The following ZSCAN30 variants were observed in gnomAD, a reference collection of about 807,000 sequenced individuals.
ZSCAN30 encodes zinc finger and SCAN domain containing 30, also known as zinc finger and SCAN domain-containing protein 30.
In ZSCAN30, 37 loss-of-function variants were observed where a neutral mutation model predicts 44.3. The ratio of observed to expected loss-of-function variants is 0.84; its 90% CI spans 0.64 to 1.10. The LOEUF (loss-of-function observed/expected upper bound fraction) is 1.10. Among genes scored for constraint, ZSCAN30 ranks in the 50% least tolerant of loss-of-function variants. The pLI is 0.00. For missense variants in ZSCAN30, 549 were observed against 582.6 expected (o/e 0.94, Z 0.59); for synonymous variants, 181 against 204.6 (o/e 0.88, Z 0.98).
In ZSCAN30 at chr18:35,251,370, T is replaced by C. The variant is rs528166153; in HGVS notation, c.*2080A>G. The C allele has an allele frequency of 2.6e-5, 4 of 152,246 alleles. No homozygotes were observed. Among genetic ancestry groups the C allele is most frequent in the African/African-American group, 9.6e-5 (4 of 41,542 alleles). The allele number at this position is 152,246 out of a possible 1,614,324, so 9.4% of individuals were successfully genotyped here. A position where few individuals can be genotyped will look rare whatever the true frequency, so the allele number is the denominator to read the frequency against. ...ACATTAAATCTCTGATTGTCACCTA[T>C]AGGAAAAGGCAACTCACTATCCATT... On this transcript the variant is annotated 3_prime_UTR_variant, in exon 4 of 4. Coordinates refer to ENST00000333206, the MANE Select transcript of ZSCAN30 (RefSeq NM_001112734.4).
intron 1 of ZSCAN30, among the ~76,000 whole-genome samples, chr18:35,272,954 C>T (rs1029680846): frequency 3.3e-5 from 5 of 152,156 alleles, no homozygotes; most frequent in South Asian, 2.1e-4. Flanking sequence ...TTCACTTCCA[C>T]GAGAACAGTA....
intron 3 of ZSCAN30, chr18:35,259,825 G>A (rs1270770679): frequency 4.6e-5 from 7 of 152,176 alleles, no homozygotes; most frequent in Non-Finnish European, 7.3e-5. Context: ...TCATTTACCT[G>A]ATTTAAGGCA....
At chr18:35,274,837 C>T (rs1346008562) in intron 1 of ZSCAN30, among the ~76,000 whole-genome samples, 1 of 152,198 alleles carries the variant, frequency 6.6e-6, no homozygotes, top group Non-Finnish European at 1.5e-5. Flanking sequence ...ATCCACATTA[C>T]TCACTGTACC....
intron 3 of ZSCAN30, chr18:35,258,301 G>A: frequency 3.3e-6 from 1 of 307,290 alleles, no homozygotes; most frequent in Non-Finnish European, 6.1e-6. Flanking sequence ...GGACATTGGA[G>A]AGATAGAGTC....
At chr18:35,255,182 T>C (rs2043759114) in intron 3 of ZSCAN30, among the ~76,000 whole-genome samples, 1 of 151,284 alleles carries the variant, frequency 6.6e-6, no homozygotes, top group African/African-American at 2.4e-5. Context: ...ACCTTCTGGC[T>C]CTCACAAAAC....
chr18:35,275,922 C>T (rs2044359504), intron 1 of ZSCAN30, among the ~76,000 whole-genome samples: 1 of 152,108 alleles, frequency 6.6e-6, no homozygotes, highest in African/African-American at 2.4e-5. Flanking sequence ...TTGTCAAATG[C>T]TTTTTCTGCA....
chr18:35,268,560 T>C (rs1236281385), intron 1 of ZSCAN30: 1 of 152,052 alleles, frequency 6.6e-6, no homozygotes, highest in African/African-American at 2.4e-5. Context: ...GGTTCAAACA[T>C]CATAAAAACA....
intron 1 of ZSCAN30, among the ~76,000 whole-genome samples, chr18:35,273,713 G>A (rs1171762373): frequency 6.6e-6 from 1 of 152,160 alleles, no homozygotes; most frequent in Admixed American, 6.5e-5. Flanking sequence ...TGGCCTGTAT[G>A]TCTATTCTTA....
chr18:35,280,411 C>T (rs911200516), intron 1 of ZSCAN30, among the ~76,000 whole-genome samples: 1 of 151,206 alleles, frequency 6.6e-6, no homozygotes, highest in African/African-American at 2.4e-5. Flanking sequence ...CACACACATA[C>T]ACACACACAC....
rs34611791 is a variant in ZSCAN30 at position 35,266,657 on chromosome 18, A to ATTTTTTTTTTTT, written c.-103-2214_-103-2203dup. On this transcript the variant is annotated intron_variant, in intron 1 of 3. Transcript: ENST00000333206. ...AAGAACCCTGGGGATATTTCTCCTA[A>ATTTTTTTTTTTT]TTTTTTTTTTTTTTTTTTTTTTTTT... 1.7e-4 allele frequency: 13 copies of ATTTTTTTTTTTT among 78,612 alleles called. 1 individual carries two copies. The highest frequency in any genetic ancestry group is 6.9e-5 in the Non-Finnish European group (3 of 43,302). The allele number at this position is 78,612 out of a possible 1,614,324, so 4.9% of individuals were successfully genotyped here.
chr18:35,254,405 A>G, intron 3 of ZSCAN30, 24 bp from the exon 4 acceptor site: 1 of 1,613,870 alleles, frequency 6.2e-7, no homozygotes, highest in Non-Finnish European at 8.5e-7. Flanking sequence ...TAGAAAGTGT[A>G]AGTATCATTT....
chr18:35,263,081 A>G, intron 3 of ZSCAN30: 1 of 282,618 alleles, frequency 3.5e-6, no homozygotes, highest in South Asian at 2.8e-5. Flanking sequence ...AGCTTTGAAT[A>G]TTATGGATAT....
intron 3 of ZSCAN30, chr18:35,261,489 G>A (rs2044029093): frequency 1.3e-5 from 2 of 152,184 alleles, no homozygotes; most frequent in Non-Finnish European, 2.9e-5. Context: ...CCATAAGCAT[G>A]GAATGTTTCT....
At chr18:35,271,145 C>G (rs901464949) in intron 1 of ZSCAN30, among the ~76,000 whole-genome samples, 2 of 152,160 alleles carry the variant, frequency 1.3e-5, no homozygotes, top group Admixed American at 6.5e-5. Flanking sequence ...AAAAAACCCT[C>G]CGCACTGTGG....
rs373474974 is a variant in ZSCAN30, at chr18:35,274,106, C to T, written c.-103-9651G>A. Among the ~76,000 whole-genome samples, 17 of 152,192 alleles carry T rather than the reference C, an allele frequency of 1.1e-4. No individual in the cohort carries two copies. The East Asian group carries it at 1.9e-3, about 17-fold the overall frequency. On this transcript the variant is annotated intron_variant, in intron 1 of 3. Transcript: ENST00000333206. ...TCTCGGCTCACTGCAAGCTCCGTCTCCTGGGTTCACACCATTCTCCTGCCT... is the reference window on the plus strand; with the variant it reads ...TCTCGGCTCACTGCAAGCTCCGTCTTCTGGGTTCACACCATTCTCCTGCCT...
rs2043607849 is a variant in ZSCAN30 at position 35,251,819 on chromosome 18, C to T, written c.*1631G>A. On this transcript the variant is annotated 3_prime_UTR_variant, in exon 4 of 4. Coordinates refer to ENST00000333206, the MANE Select transcript of ZSCAN30 (RefSeq NM_001112734.4). The stretch of plus-strand genomic sequence containing the variant: ...CCTCTTTTTTTTTTTTAATAAATTA[C>T]CCAGTATCAGGTAGTATCTTCATAG... The T allele has an allele frequency of 6.6e-6, 1 of 151,816 alleles. No homozygotes were observed. Among genetic ancestry groups the T allele is most frequent in the Non-Finnish European group, 1.5e-5 (1 of 67,986 alleles). The allele number at this position is 151,816 out of a possible 1,614,324, so 9.4% of individuals were successfully genotyped here. A position where few individuals can be genotyped will look rare whatever the true frequency, so the allele number is the denominator to read the frequency against.
At chr18:35,261,059 T>C (rs1297510413) in intron 3 of ZSCAN30, 2 of 152,224 alleles carry the variant, frequency 1.3e-5, no homozygotes, top group Non-Finnish European at 2.9e-5. Context: ...CAGTTTCAGT[T>C]TTCTGCATAT....
chr18:35,263,830 C>A, intron 2 of ZSCAN30, 115 bp downstream of exon 2: 2 of 1,445,338 alleles, frequency 1.4e-6, no homozygotes, highest in Non-Finnish European at 1.9e-6. Flanking sequence ...TAATTAATAA[C>A]CCAAAAGAAA....
At chr18:35,281,881 C>A (rs1345718169) in intron 1 of ZSCAN30, 3 of 146,888 alleles carry the variant, frequency 2.0e-5, no homozygotes, top group African/African-American at 2.5e-5. Flanking sequence ...TCTGAGCTGT[C>A]AACTTGGAAT....
Sources: allele counts gnomAD v4.1 joint callset (sites outside exome capture counted in the v4.1 genomes callset), GRCh38; gene constraint gnomAD v4.1.1; transcripts MANE v1.5; gene names NCBI Gene and HGNC (gene_info 2026-07-23, HGNC 2026-07-21).